The following CDH4 variants were observed in gnomAD, a reference collection of about 807,000 sequenced individuals.
CDH4 encodes the protein cadherin 4, also known as cadherin-4.
In CDH4, 33 loss-of-function variants were observed where a neutral mutation model predicts 86.0. The ratio of observed to expected loss-of-function variants is 0.38; its 90% CI spans 0.29 to 0.51. The LOEUF is 0.51. Ranked by LOEUF, CDH4 falls within the 20% of genes least tolerant of loss-of-function variation. CDH4 has a pLI of 0.86. For missense variants in CDH4, 1,114 were observed against 1,307.4 expected, an observed-to-expected ratio of 0.85 and a Z score of 2.28; for synonymous variants, 555 against 549.4, an observed-to-expected ratio of 1.01 and a Z score of -0.14.
At chr20:61,343,704 T>C (rs2084661589) in intron 2 of CDH4, among the ~76,000 whole-genome samples, 1 of 152,196 alleles carries the variant, frequency 6.6e-6, no homozygotes, top group Non-Finnish European at 1.5e-5. Context: ...TCTGCAGTCC[T>C]GGCTGAAGAT....
At position 61,544,266 on chromosome 20, in the gene CDH4, A is replaced by G. The variant is rs1432811021; in HGVS notation, c.170-199297A>G. On this transcript the variant is annotated intron_variant, in intron 2 of 15. Coordinates refer to ENST00000614565, the MANE Select transcript of CDH4 (RefSeq NM_001794.5). This position sits in a 1 kb window ranked among gnomAD's most constrained non-coding sequence, Gnocchi z 6.5. Reference sequence around the variant, plus strand: ...GTATGTATATGGCGGGGTACGGCTGACATCGAGCGGGTGGAGGCTGGGTAC... The same window carrying G: ...GTATGTATATGGCGGGGTACGGCTGGCATCGAGCGGGTGGAGGCTGGGTAC... Among the ~76,000 whole-genome samples, 1 of 152,054 alleles carries G rather than the reference A, an allele frequency of 6.6e-6. No homozygotes were observed. Among genetic ancestry groups the G allele is most frequent in the Non-Finnish European group, 1.5e-5 (1 of 68,000 alleles).
intron 2 of CDH4, among the ~76,000 whole-genome samples, chr20:61,572,548 G>T (rs1326658873): frequency 6.6e-6 from 1 of 152,182 alleles, no homozygotes; most frequent in African/African-American, 2.4e-5. Context: ...CTCCTGCCCT[G>T]CCATTCTTAG....
intron 2 of CDH4, among the ~76,000 whole-genome samples, chr20:61,296,272 T>TGCGTGGGTGC (rs147618869): frequency 1.3e-3 from 9 of 6,684 alleles, no homozygotes; most frequent in Non-Finnish European, 4.2e-3. Context: ...CGTGTGTGTG[T>TGCGTGGGTGC]GTGCGTGGGT....
chr20:61,476,631 G>A (rs759037782), intron 2 of CDH4, among the ~76,000 whole-genome samples: 1 of 152,186 alleles, frequency 6.6e-6, no homozygotes. Context: ...AGAGCTGCTC[G>A]CCCCACCTTC....
intron 2 of CDH4, among the ~76,000 whole-genome samples, chr20:61,394,894 C>T: frequency 7.2e-6 from 1 of 138,258 alleles, no homozygotes; most frequent in South Asian, 3.3e-4. Context: ...CAACCCTGCC[C>T]CTGTCACCCC....
chr20:61,923,401 T>C (rs2427245), intron 9 of CDH4, 50 bp from the exon 10 acceptor site: 107,411 of 1,598,640 alleles, frequency 0.067, 10,682 homozygotes, highest in African/African-American at 0.48. Flanking sequence ...CCATGCCCAC[T>C]CCCACGGGAG....
At chr20:61,272,008 C>T (rs370996925) in intron 2 of CDH4, among the ~76,000 whole-genome samples, 8 of 152,168 alleles carry the variant, frequency 5.3e-5, no homozygotes, top group Non-Finnish European at 1.2e-4. Flanking sequence ...GGAGGCAAGG[C>T]GCTGCTCTTG....
intron 2 of CDH4, among the ~76,000 whole-genome samples, chr20:61,565,307 T>TTGGTGATGGGGAGGTGGTGATGGGGTGA (rs764588345): frequency 2.3e-5 from 1 of 42,566 alleles, no homozygotes; most frequent in Non-Finnish European, 4.7e-5. Flanking sequence ...GGCGGTGCTC[T>TTGGTGATGGGGAGGTGGTGATGGGGTGA]TGGTGGTGGC....
chr20:61,567,643 G>A (rs1600767060), intron 2 of CDH4, among the ~76,000 whole-genome samples: 1 of 152,340 alleles, frequency 6.6e-6, no homozygotes, highest in Admixed American at 6.5e-5. Context: ...GACCATGCCG[G>A]GTCCTCCCCT....
At chr20:61,932,832 C>A (rs879504637) in intron 13 of CDH4, among the ~76,000 whole-genome samples, 153 bp from the exon 14 acceptor site, 1 of 152,218 alleles carries the variant, frequency 6.6e-6, no homozygotes, top group Non-Finnish European at 1.5e-5. Flanking sequence ...CAGAGACATG[C>A]GCGTGTGCAG....
chr20:61,263,020 A>G (rs766430994), intron 2 of CDH4, among the ~76,000 whole-genome samples: 7 of 152,014 alleles, frequency 4.6e-5, no homozygotes, highest in Non-Finnish European at 8.8e-5. Context: ...AAGTGTGCCT[A>G]TTATTCTGAC....
chr20:61,668,125 GA>G (rs1017910575), intron 2 of CDH4, among the ~76,000 whole-genome samples: 3 of 152,216 alleles, frequency 2.0e-5, no homozygotes, highest in African/African-American at 7.2e-5. Context: ...CCTAAGAGAA[GA>G]AAAGCCCTAT....
chr20:61,353,002 A>G (rs1302909897), intron 2 of CDH4, among the ~76,000 whole-genome samples: 1 of 152,058 alleles, frequency 6.6e-6, no homozygotes, highest in Admixed American at 6.5e-5. Flanking sequence ...GGCTGAGCTC[A>G]GGCTCTGGGG....
intron 2 of CDH4, among the ~76,000 whole-genome samples, chr20:61,367,412 G>C (rs899131916): frequency 2.0e-5 from 3 of 152,126 alleles, no homozygotes; most frequent in African/African-American, 7.2e-5. Flanking sequence ...AAAAACAATG[G>C]AGAAAGTAAG....
chr20:61,925,723 G>A (rs1035245733), intron 11 of CDH4, among the ~76,000 whole-genome samples: 1 of 152,216 alleles, frequency 6.6e-6, no homozygotes, highest in African/African-American at 2.4e-5. Context: ...AAAGAAGGCT[G>A]GAGGCAGGCA....
In CDH4 at chr20:61,498,855, A is replaced by T. The variant is rs376876798; in HGVS notation, c.169+243918A>T. On this transcript the variant is annotated intron_variant, in intron 2 of 15. Transcript: ENST00000614565. ...GTCCTGGGCCGCAAGTGCTCTGAGG[A>T]CCTCAGGTGGGATGAGTTTGCCCTA... Among the ~76,000 whole-genome samples, 139 of 152,270 alleles carry T rather than the reference A, an allele frequency of 9.1e-4. 2 individuals carry two copies. In the South Asian group the frequency reaches 0.028, roughly 30 times the overall value.
At chr20:61,608,347 G>T (rs776357344) in intron 2 of CDH4, among the ~76,000 whole-genome samples, 1 of 152,210 alleles carries the variant, frequency 6.6e-6, no homozygotes, top group Non-Finnish European at 1.5e-5. Flanking sequence ...AGAAGTTGCA[G>T]CTATCATTCT....
intron 2 of CDH4, among the ~76,000 whole-genome samples, chr20:61,625,254 G>A (rs1465501387): frequency 3.3e-5 from 5 of 152,190 alleles, no homozygotes; most frequent in East Asian, 1.9e-4. Flanking sequence ...TCACTCGACC[G>A]CAGGGAGGGA....
intron 2 of CDH4, among the ~76,000 whole-genome samples, chr20:61,425,829 T>A (rs1268192835): frequency 6.6e-6 from 1 of 150,918 alleles, no homozygotes; most frequent in Non-Finnish European, 1.5e-5. Flanking sequence ...CAGGGCAGGA[T>A]GGCCAATTGC....
Sources: gnomAD v4.1 joint callset for allele counts (sites outside exome capture counted in the v4.1 genomes callset) on GRCh38, gnomAD v4.1.1 for gene constraint, Gnocchi (gnomAD v3.1) non-coding constraint, MANE v1.5 for transcripts, NCBI Gene and HGNC (gene_info 2026-07-23, HGNC 2026-07-21) for gene names.